The following YAP1 variants were observed in gnomAD, a reference collection of about 807,000 sequenced individuals.
YAP1 encodes the protein transcriptional coactivator YAP1.
In YAP1, 5 loss-of-function variants were observed where a neutral mutation model predicts 56.9. That is an observed-to-expected ratio of 0.09 (90% CI 0.05 to 0.18). YAP1 has a LOEUF of 0.18. YAP1 is among the 10% of genes least tolerant of loss of function. The pLI, the probability that YAP1 is intolerant of heterozygous loss-of-function variation, is 1.00. For missense variants in YAP1, 539 were observed against 651.8 expected, an observed-to-expected ratio of 0.83 and a Z score of 1.88; for synonymous variants, 265 against 248.1, an observed-to-expected ratio of 1.07 and a Z score of -0.64.
intron 6 of YAP1, among the ~76,000 whole-genome samples, chr11:102,214,058 CAG>C (rs2135647791): frequency 6.6e-6 from 1 of 152,256 alleles, no homozygotes; most frequent in African/African-American, 2.4e-5. Flanking sequence ...GCCTGGGTGA[CAG>C]AGTGAGACTC....
chr11:102,123,943 C>CT lies in YAP1; in HGVS notation c.572+9559dup, dbSNP rs540805146. On this transcript the variant is annotated intron_variant, in intron 2 of 8. Transcript: ENST00000282441. Reference sequence around the variant, plus strand: ...TGCCCGGCCACTCCATTTTCTTTTTCTTTTTTTTTTGTTTTTTTGTTTTTT... The same window carrying CT: ...TGCCCGGCCACTCCATTTTCTTTTTCTTTTTTTTTTTGTTTTTTTGTTTTTT... 1.6e-3 allele frequency among the ~76,000 whole-genome samples: 233 copies of CT among 144,070 alleles called. No individual in the cohort carries two copies. The South Asian group carries it at 0.016, about 10-fold the overall frequency. The allele number at this position is 144,070 out of a possible 152,430, so 94.5% of individuals were successfully genotyped here.
chr11:102,206,212 C>A, intron 5 of YAP1, 138 bp downstream of exon 5: 1 of 981,962 alleles, frequency 1.0e-6, no homozygotes, highest in Non-Finnish European at 1.4e-6. Context: ...AGCATTCTAT[C>A]CAGCCCTGTC....
At chr11:102,213,865 G>A (rs1165288958) in intron 6 of YAP1, among the ~76,000 whole-genome samples, 4 of 152,198 alleles carry the variant, frequency 2.6e-5, no homozygotes, top group Admixed American at 2.0e-4. Context: ...ATGACCTGAG[G>A]TCAGAAGTCC....
intron 3 of YAP1, among the ~76,000 whole-genome samples, chr11:102,164,218 A>G (rs1946464138): frequency 6.6e-6 from 1 of 152,084 alleles, no homozygotes; most frequent in Non-Finnish European, 1.5e-5. Context: ...TATTTGTAGT[A>G]GAGACGGGGT....
At chr11:102,113,854 T>A (rs1943115777) in intron 1 of YAP1, among the ~76,000 whole-genome samples, 1 of 152,158 alleles carries the variant, frequency 6.6e-6, no homozygotes, top group African/African-American at 2.4e-5. Flanking sequence ...TTGGAATGTT[T>A]TATTCATTCA....
At chr11:102,125,227 G>A (rs1004936017) in intron 2 of YAP1, among the ~76,000 whole-genome samples, 1 of 151,768 alleles carries the variant, frequency 6.6e-6, no homozygotes, top group African/African-American at 2.4e-5. Flanking sequence ...TTACCATGTT[G>A]CCCAGGCTGG....
At chr11:102,112,715 C>T (rs1280988058) in intron 1 of YAP1, 2 of 985,208 alleles carry the variant, frequency 2.0e-6, no homozygotes, top group Non-Finnish European at 2.4e-6. Context: ...AACAATTTAG[C>T]TGCTTGCCTA....
intron 2 of YAP1, among the ~76,000 whole-genome samples, chr11:102,129,179 G>A (rs988968796): frequency 2.6e-5 from 4 of 152,106 alleles, no homozygotes; most frequent in African/African-American, 9.7e-5. Context: ...ATTTAATAGA[G>A]AACTCAAAAA....
intron 2 of YAP1, among the ~76,000 whole-genome samples, chr11:102,139,762 T>C (rs1396999111): frequency 6.6e-6 from 1 of 152,228 alleles, no homozygotes; most frequent in Non-Finnish European, 1.5e-5. Flanking sequence ...AAAGGAATTA[T>C]ATCCTGTAGA....
At chr11:102,117,426 G>T (rs1943356410) in intron 2 of YAP1, among the ~76,000 whole-genome samples, 1 of 152,082 alleles carries the variant, frequency 6.6e-6, no homozygotes, top group Admixed American at 6.6e-5. Flanking sequence ...TTTATATTTG[G>T]CATGAAGAAC....
intron 4 of YAP1, 62 bp downstream of exon 4, chr11:102,186,193 A>T (rs927353787): frequency 6.5e-7 from 1 of 1,546,168 alleles, no homozygotes; most frequent in Non-Finnish European, 8.8e-7. Context: ...TTGTAAATAT[A>T]CTTCGGAAAG....
intron 5 of YAP1, among the ~76,000 whole-genome samples, chr11:102,209,082 A>G (rs931054636): frequency 1.3e-5 from 2 of 152,174 alleles, no homozygotes; most frequent in African/African-American, 4.8e-5. Context: ...GACCTGCTCT[A>G]TTCTCATACT....
intron 5 of YAP1, among the ~76,000 whole-genome samples, chr11:102,209,272 T>C (rs1213801451): frequency 6.6e-6 from 1 of 152,162 alleles, no homozygotes; most frequent in African/African-American, 2.4e-5. Flanking sequence ...ATATCAAATT[T>C]TATTTTTTAG....
intron 6 of YAP1, among the ~76,000 whole-genome samples, chr11:102,220,190 T>A (rs1949854591): frequency 6.6e-6 from 1 of 151,970 alleles, no homozygotes; most frequent in African/African-American, 2.4e-5. Context: ...TGAGACCTTG[T>A]CTCTACAAAA....
intron 7 of YAP1, 114 bp downstream of exon 7, chr11:102,223,866 C>A: frequency 1.5e-6 from 2 of 1,347,090 alleles, no homozygotes; most frequent in Non-Finnish European, 2.0e-6. Flanking sequence ...AAAACCATAG[C>A]TGTAAATGAA....
intron 3 of YAP1, among the ~76,000 whole-genome samples, chr11:102,163,431 A>G (rs934739092): frequency 2.0e-5 from 3 of 152,096 alleles, no homozygotes; most frequent in Admixed American, 1.3e-4. Flanking sequence ...GTACCTTTGT[A>G]CATATTAGGA....
intron 2 of YAP1, 125 bp downstream of exon 2, chr11:102,114,519 T>C (rs1434083015): frequency 2.1e-5 from 25 of 1,174,192 alleles, no homozygotes; most frequent in Non-Finnish European, 2.8e-5. Flanking sequence ...TATGTTAAGC[T>C]CTGTAGCTCT....
At chr11:102,195,739 C>G (rs2135550780) in intron 4 of YAP1, among the ~76,000 whole-genome samples, 1 of 152,300 alleles carries the variant, frequency 6.6e-6, no homozygotes, top group African/African-American at 2.4e-5. Flanking sequence ...TGAGACCTCC[C>G]CAGCCATGCT....
chr11:102,113,137 C>T (rs111577284), intron 1 of YAP1, among the ~76,000 whole-genome samples: 18 of 152,232 alleles, frequency 1.2e-4, no homozygotes, highest in African/African-American at 4.1e-4. Flanking sequence ...CTACTGAGTC[C>T]TTCCAGTTTC....
Sources: gnomAD v4.1 joint callset for allele counts (sites outside exome capture counted in the v4.1 genomes callset) on GRCh38, gnomAD v4.1.1 for gene constraint, MANE v1.5 for transcripts, NCBI Gene and HGNC (gene_info 2026-07-23, HGNC 2026-07-21) for gene names.